Variants in PRTFDC1 observed in about 807,000 individuals in gnomAD.
PRTFDC1 encodes phosphoribosyltransferase domain-containing protein 1.
A neutral mutation model predicts 34.6 loss-of-function variants in PRTFDC1; 38 were observed. The observed-to-expected ratio is 1.10, with a 90% CI of 0.85 to 1.44. PRTFDC1 has a LOEUF of 1.44. PRTFDC1 is among the 40% of genes most tolerant of loss of function. The pLI, the probability that PRTFDC1 is intolerant of heterozygous loss-of-function variation, is 0.00. For missense variants in PRTFDC1, 270 were observed against 283.0 expected, an observed-to-expected ratio of 0.95 and a Z score of 0.33; for synonymous variants, 93 against 98.1, an observed-to-expected ratio of 0.95 and a Z score of 0.31.
intron 3 of PRTFDC1, among the ~76,000 whole-genome samples, chr10:24,885,917 C>A (rs900659275): frequency 6.6e-6 from 1 of 152,158 alleles, no homozygotes; most frequent in Non-Finnish European, 1.5e-5. Context: ...AAGATTCCAA[C>A]TAAATGACGT....
intron 3 of PRTFDC1, among the ~76,000 whole-genome samples, chr10:24,913,869 T>C (rs1484515228): frequency 6.6e-6 from 1 of 152,196 alleles, no homozygotes; most frequent in East Asian, 1.9e-4. Context: ...ACAGGATTTG[T>C]ATGGTTATTT....
At chr10:24,911,014 C>T (rs566528299) in intron 3 of PRTFDC1, among the ~76,000 whole-genome samples, 126 of 151,258 alleles carry the variant, frequency 8.3e-4, no homozygotes, top group Non-Finnish European at 1.1e-3. Flanking sequence ...ATTTCTTTAT[C>T]GAATTCCAAT....
chr10:24,899,169 G>C lies in PRTFDC1; in HGVS notation c.340-27106C>G, dbSNP rs115378781. Among the ~76,000 whole-genome samples the C allele has an allele frequency of 2.0e-3, 301 of 152,280 alleles. 2 individuals carry two copies. The highest frequency in any genetic ancestry group is 7.1e-3 in the African/African-American group (294 of 41,552). Reference sequence around the variant, plus strand: ...CCAAGGGGCCATGTGGATCTCCTATGAGAGCAGTGGAGTGAATGGAATACC... The same window carrying C: ...CCAAGGGGCCATGTGGATCTCCTATCAGAGCAGTGGAGTGAATGGAATACC... On this transcript the variant is annotated intron_variant, in intron 3 of 8. Coordinates refer to ENST00000320152, the MANE Select transcript of PRTFDC1 (RefSeq NM_020200.7).
At chr10:24,859,646 C>A (rs754979134) in intron 4 of PRTFDC1, among the ~76,000 whole-genome samples, 1 of 152,212 alleles carries the variant, frequency 6.6e-6, no homozygotes, top group Non-Finnish European at 1.5e-5. Flanking sequence ...GAGCCAATTA[C>A]ACCTTTTCTC....
At chr10:24,863,490 A>C (rs139533072) in intron 4 of PRTFDC1, among the ~76,000 whole-genome samples, 2 of 152,188 alleles carry the variant, frequency 1.3e-5, no homozygotes, top group Admixed American at 6.5e-5. Flanking sequence ...AGATGTTTAC[A>C]AGGAGATTAT....
chr10:24,894,282 G>T (rs539597060), intron 3 of PRTFDC1, among the ~76,000 whole-genome samples: 78 of 142,060 alleles, frequency 5.5e-4, no homozygotes, highest in African/African-American at 2.1e-3. Flanking sequence ...AGTGAGCCAA[G>T]ATCATGCTGC....
intron 3 of PRTFDC1, among the ~76,000 whole-genome samples, chr10:24,913,568 A>G (rs1044350822): frequency 3.3e-5 from 5 of 152,346 alleles, no homozygotes; most frequent in Admixed American, 3.3e-4. Context: ...AATCAAGTTA[A>G]GCTTAATATC....
At chr10:24,862,517 A>T (rs1847696135) in intron 4 of PRTFDC1, among the ~76,000 whole-genome samples, 1 of 150,860 alleles carries the variant, frequency 6.6e-6, no homozygotes, top group Non-Finnish European at 1.5e-5. Flanking sequence ...TGGGATTACA[A>T]GTGTGCACCA....
chr10:24,951,379 A>G (rs1333557110), intron 1 of PRTFDC1, among the ~76,000 whole-genome samples: 1 of 152,092 alleles, frequency 6.6e-6, no homozygotes, highest in Non-Finnish European at 1.5e-5. Context: ...TGCACCCCAG[A>G]GCCTACAGCA....
In PRTFDC1 at chr10:24,849,722, A is replaced by C; in HGVS notation, c.*122T>G. 1.2e-6 allele frequency: 1 copy of C among 849,852 alleles called. No homozygotes were observed. The highest frequency in any genetic ancestry group is 1.6e-5 in the South Asian group (1 of 61,202). The allele number at this position is 849,852 out of a possible 1,614,324, so 52.6% of individuals were successfully genotyped here. A position where few individuals can be genotyped will look rare whatever the true frequency, so the allele number is the denominator to read the frequency against. On this transcript the variant is annotated 3_prime_UTR_variant, in exon 9 of 9. Coordinates refer to ENST00000320152, the MANE Select transcript of PRTFDC1 (RefSeq NM_020200.7). ...GAAAAGAAAGCTCTCTCATTTGAACATTTTTTTCTTTTATATCCTGCTGAG... is the reference window on the plus strand; with the variant it reads ...GAAAAGAAAGCTCTCTCATTTGAACCTTTTTTTCTTTTATATCCTGCTGAG...
At chr10:24,851,554 C>T (rs1358749698) in intron 7 of PRTFDC1, 90 bp from the exon 8 acceptor site, 5 of 1,532,776 alleles carry the variant, frequency 3.3e-6, no homozygotes, top group Non-Finnish European at 4.4e-6. Context: ...GCCACTCAAA[C>T]TTGAGGACCT....
At chr10:24,851,888 T>C (rs890223806) in intron 7 of PRTFDC1, among the ~76,000 whole-genome samples, 7 of 151,502 alleles carry the variant, frequency 4.6e-5, no homozygotes, top group African/African-American at 1.7e-4. Flanking sequence ...TGTGAACAGG[T>C]GCGCGGGCCA....
chr10:24,942,091 T>G (rs1261709927), intron 2 of PRTFDC1, among the ~76,000 whole-genome samples: 4 of 152,204 alleles, frequency 2.6e-5, no homozygotes, highest in Admixed American at 6.5e-5. Flanking sequence ...TTACTTATAA[T>G]AGCTTATGTA....
chr10:24,897,574 A>T (rs974735971), intron 3 of PRTFDC1, among the ~76,000 whole-genome samples: 5 of 152,228 alleles, frequency 3.3e-5, no homozygotes, highest in African/African-American at 1.2e-4. Flanking sequence ...GAGTGATAAG[A>T]GTGTCCCCAG....
intron 1 of PRTFDC1, among the ~76,000 whole-genome samples, chr10:24,948,034 G>A (rs533145027): frequency 1.3e-5 from 2 of 152,210 alleles, no homozygotes; most frequent in African/African-American, 4.8e-5. Flanking sequence ...TCTGTGGTGG[G>A]TTTGCCCCAC....
chr10:24,944,411 T>C (rs1849220554), intron 1 of PRTFDC1, among the ~76,000 whole-genome samples: 1 of 152,194 alleles, frequency 6.6e-6, no homozygotes. Flanking sequence ...CTCCCAGGAC[T>C]GTCCCAGGAG....
intron 3 of PRTFDC1, among the ~76,000 whole-genome samples, chr10:24,880,867 C>CTTTCT (rs1848065189): frequency 6.9e-6 from 1 of 145,984 alleles, no homozygotes; most frequent in Non-Finnish European, 1.5e-5. Flanking sequence ...TTCTTTCTTT[C>CTTTCT]TTTCTTTCTT....
At chr10:24,905,149 C>CAA (rs879788631) in intron 3 of PRTFDC1, among the ~76,000 whole-genome samples, 136 of 128,936 alleles carry the variant, frequency 1.1e-3, no homozygotes, top group African/African-American at 3.8e-3. Context: ...TCTAGAAGTA[C>CAA]AAAAAAAAAA....
intron 7 of PRTFDC1, among the ~76,000 whole-genome samples, chr10:24,854,356 A>G (rs528613398): frequency 1.3e-5 from 2 of 152,322 alleles, no homozygotes; most frequent in African/African-American, 2.4e-5. Flanking sequence ...CAGAACTGAC[A>G]TGGTCCAGAG....
Sources: gnomAD v4.1 joint callset for allele counts (sites outside exome capture counted in the v4.1 genomes callset) on GRCh38, gnomAD v4.1.1 for gene constraint, MANE v1.5 for transcripts, NCBI Gene and HGNC (gene_info 2026-07-23, HGNC 2026-07-21) for gene names.